TVP23A: variants seen among roughly 807,000 people sequenced by gnomAD.
The protein encoded by TVP23A is Golgi apparatus membrane protein TVP23 homolog A.
TVP23A carries 21 observed loss-of-function variants against 31.7 expected under a neutral mutation model. That is an observed-to-expected ratio of 0.66 (90% CI 0.47 to 0.95). The LOEUF (loss-of-function observed/expected upper bound fraction) is 0.95, where lower values mean the gene tolerates loss of function less well. TVP23A is among the 40% of genes least tolerant of loss of function. The probability of loss-of-function intolerance (pLI) is 0.00; values close to 1 mark genes in which losing one functional copy is unlikely to be tolerated. For missense variants in TVP23A, 279 were observed against 255.6 expected, an observed-to-expected ratio of 1.09 and a Z score of -0.62; for synonymous variants, 104 against 96.0, an observed-to-expected ratio of 1.08 and a Z score of -0.49.
chr16:10,758,160 G>A (rs1296379807), downstream of TVP23A: 44 of 1,028,796 alleles, frequency 4.3e-5, no homozygotes, highest in East Asian at 1.1e-3. Context: ...ATCTGATGTG[G>A]GTCTGCAGAA....
At chr16:10,799,027 G>A (rs528611187) in intron 2 of TVP23A, among the ~76,000 whole-genome samples, 50 of 152,166 alleles carry the variant, frequency 3.3e-4, no homozygotes, top group Non-Finnish European at 6.5e-4. Context: ...TGCCATGTTG[G>A]GAGCAGCCCT....
intron 2 of TVP23A, among the ~76,000 whole-genome samples, chr16:10,813,201 T>A (rs1177550740): frequency 6.6e-6 from 1 of 152,168 alleles, no homozygotes; most frequent in Non-Finnish European, 1.5e-5. Flanking sequence ...CGTGGTGAAG[T>A]CAGGCTGATA....
At chr16:10,781,810 C>T (rs1191846688) in intron 2 of TVP23A, among the ~76,000 whole-genome samples, 1 of 148,830 alleles carries the variant, frequency 6.7e-6, no homozygotes, top group African/African-American at 2.5e-5. Context: ...CCTCTGTTCA[C>T]GGTCCAGAAC....
At chr16:10,793,399 G>A (rs982105260) in intron 2 of TVP23A, among the ~76,000 whole-genome samples, 1 of 152,068 alleles carries the variant, frequency 6.6e-6, no homozygotes, top group African/African-American at 2.4e-5. Context: ...GCTGGGCCCA[G>A]GCTGGGCCCT....
chr16:10,777,238 A>C lies in TVP23A; in HGVS notation c.90-2142T>G, dbSNP rs58552272. The stretch of plus-strand genomic sequence containing the variant: ...GGCAGCTGTGCAAACCAGACCCAGT[A>C]CTGCCAGAGCCAAGATTTTCATGAG... On this transcript the variant is annotated intron_variant, in intron 2 of 7. Transcript: ENST00000299866. The surrounding 1 kb of genome is among the most constrained non-coding windows in gnomAD (Gnocchi z 4.5). Among the ~76,000 whole-genome samples the C allele has an allele frequency of 0.11, 16,408 of 152,154 alleles. 1,056 individuals carry two copies. The highest frequency in any genetic ancestry group is 0.28 in the South Asian group (1,345 of 4,812).
At position 10,781,437 on chromosome 16, in the gene TVP23A, G is replaced by A. The variant is rs116047746; in HGVS notation, c.90-6341C>T. Among the ~76,000 whole-genome samples, 1,430 of 152,278 alleles carry A rather than the reference G, an allele frequency of 9.4e-3. 26 individuals carry two copies. Among genetic ancestry groups the A allele is most frequent in the African/African-American group, 0.033 (1,356 of 41,558 alleles). On this transcript the variant is annotated intron_variant, in intron 2 of 7. Coordinates refer to ENST00000299866, the MANE Select transcript of TVP23A (RefSeq NM_001079512.4). ...CAAGGCAGGGAGAGTCCTGATGGGG[G>A]CTTCTGTTCAACTTTCCTCTCTTTC...
intron 2 of TVP23A, among the ~76,000 whole-genome samples, chr16:10,816,688 C>T (rs1279384090): frequency 1.3e-5 from 2 of 151,860 alleles, no homozygotes; most frequent in East Asian, 1.9e-4. Context: ...TCTGGGTGGA[C>T]GCTAAATGCC....
In TVP23A at chr16:10,818,775, A is replaced by T; in HGVS notation, c.-282T>A. The T allele has an allele frequency of 2.1e-6, 1 of 473,260 alleles. No homozygotes were observed. Among genetic ancestry groups the T allele is most frequent in the South Asian group, 3.6e-5 (1 of 27,446 alleles). The allele number at this position is 473,260 out of a possible 1,614,324, so 29.3% of individuals were successfully genotyped here. ...GAGGCAACGGCCTGGGGAACTGCGG[A>T]CAGAGATAGTGGGAGGAATGGGAGT... On this transcript the variant is annotated 5_prime_UTR_variant, in exon 1 of 8. Transcript: ENST00000299866. This position sits in a 1 kb window ranked among gnomAD's most constrained non-coding sequence, Gnocchi z 4.7.
At chr16:10,812,963 G>A (rs2034270241) in intron 2 of TVP23A, among the ~76,000 whole-genome samples, 1 of 151,906 alleles carries the variant, frequency 6.6e-6, no homozygotes, top group Non-Finnish European at 1.5e-5. Flanking sequence ...CATACAGCAT[G>A]GCTAACATTT....
chr16:10,765,854 T>C (rs1244420524), downstream of TVP23A, among the ~76,000 whole-genome samples: 3 of 152,360 alleles, frequency 2.0e-5, no homozygotes, highest in Non-Finnish European at 4.4e-5. The surrounding 1 kb of genome is among the most constrained non-coding windows in gnomAD (Gnocchi z 4.0). Flanking sequence ...GGCATGGTCC[T>C]GTGTGTCAAA....
intron 2 of TVP23A, among the ~76,000 whole-genome samples, chr16:10,815,177 G>GATCAC (rs1567322177): frequency 1.3e-5 from 2 of 151,842 alleles, no homozygotes; most frequent in African/African-American, 4.9e-5. Flanking sequence ...AGGTAGGGAG[G>GATCAC]CTGAGATCAG....
chr16:10,781,876 T>TG (rs2032445036), intron 2 of TVP23A, among the ~76,000 whole-genome samples: 1 of 143,486 alleles, frequency 7.0e-6, no homozygotes, highest in Non-Finnish European at 1.5e-5. Flanking sequence ...TTTTTTTTTT[T>TG]TTTGAGACAG....
downstream of TVP23A, chr16:10,758,081 T>C (rs1356137051): frequency 2.5e-6 from 4 of 1,584,530 alleles, no homozygotes; most frequent in African/African-American, 2.7e-5. Context: ...CACTGTGAGA[T>C]TTCTTTCCTA....
intron 2 of TVP23A, among the ~76,000 whole-genome samples, chr16:10,792,517 G>C (rs180797428): frequency 6.6e-6 from 1 of 152,270 alleles, no homozygotes; most frequent in East Asian, 1.9e-4. Flanking sequence ...CGAGTCTCCC[G>C]AGTGATTCTT....
intron 2 of TVP23A, among the ~76,000 whole-genome samples, chr16:10,816,019 C>T (rs1327181179): frequency 2.0e-5 from 3 of 152,036 alleles, no homozygotes; most frequent in Non-Finnish European, 4.4e-5. Context: ...GCCGGAAGTT[C>T]CAGATCAGCC....
At chr16:10,757,811 G>T, downstream of TVP23A, 1 of 1,570,854 alleles carries the variant, frequency 6.4e-7, no homozygotes, top group Non-Finnish European at 8.7e-7. The surrounding 1 kb of genome is among the most constrained non-coding windows in gnomAD (Gnocchi z 4.1). Flanking sequence ...AAAAAAAAGA[G>T]GGAGTTGAAA....
intron 2 of TVP23A, among the ~76,000 whole-genome samples, chr16:10,809,296 A>G (rs2034086803): frequency 6.6e-6 from 1 of 152,218 alleles, no homozygotes; most frequent in Non-Finnish European, 1.5e-5. Flanking sequence ...AAGGGTTAAC[A>G]TCGGGCCTGG....
In TVP23A at chr16:10,767,727, G is replaced by C. The variant is rs1390693162; in HGVS notation, c.*1375C>G. Reference sequence around the variant, plus strand: ...TAGGGCCCTGGAACCTGCATTTTCTGTACACCACCTGATTATTTAGCCACG... The same window carrying C: ...TAGGGCCCTGGAACCTGCATTTTCTCTACACCACCTGATTATTTAGCCACG... On this transcript the variant is annotated 3_prime_UTR_variant, in exon 8 of 8. Transcript: ENST00000299866. The surrounding 1 kb of genome is among the most constrained non-coding windows in gnomAD (Gnocchi z 4.6). 4 of 576,444 alleles carry C rather than the reference G, an allele frequency of 6.9e-6. No homozygotes were observed. The highest frequency in any genetic ancestry group is 2.1e-5 in the South Asian group (1 of 48,702). 35.7% of individuals were successfully genotyped at this position (576,444 alleles called of 1,614,324 possible).
At chr16:10,775,804 A>AGTGGCGT (rs2031975449) in intron 2 of TVP23A, among the ~76,000 whole-genome samples, 1 of 131,226 alleles carries the variant, frequency 7.6e-6, no homozygotes, top group South Asian at 2.4e-4. Flanking sequence ...GCTGGAGTGC[A>AGTGGCGT]GTGGCGTGAT....
Sources: gnomAD v4.1 joint callset for allele counts (sites outside exome capture counted in the v4.1 genomes callset) on GRCh38, gnomAD v4.1.1 for gene constraint, Gnocchi (gnomAD v3.1) non-coding constraint, MANE v1.5 for transcripts, NCBI Gene and HGNC (gene_info 2026-07-23, HGNC 2026-07-21) for gene names.